Variants in SLC7A11 observed in about 807,000 individuals in gnomAD.
SLC7A11 encodes the protein cystine/glutamate transporter.
SLC7A11 carries 35 observed loss-of-function variants against 54.5 expected under a neutral mutation model. The observed-to-expected ratio is 0.64, with a 90% confidence interval of 0.49 to 0.85. SLC7A11 has a LOEUF of 0.85. SLC7A11 is among the 40% of genes least tolerant of loss of function. The probability of loss-of-function intolerance (pLI) is 0.00; values close to 1 mark genes in which losing one functional copy is unlikely to be tolerated. For missense variants in SLC7A11, 583 were observed against 618.1 expected (o/e 0.94, Z 0.60); for synonymous variants, 230 against 225.2 (o/e 1.02, Z -0.19).
At position 138,174,949 on chromosome 4, in the gene SLC7A11, C is replaced by T. The variant is rs543545750; in HGVS notation, c.1445-2932G>A. Among the ~76,000 whole-genome samples the T allele has an allele frequency of 8.0e-5, 12 of 149,822 alleles. No homozygotes were observed. In the East Asian group the frequency reaches 9.9e-4, roughly 12 times the overall value. On this transcript the variant is annotated intron_variant, in intron 11 of 11. Coordinates refer to ENST00000280612, the MANE Select transcript of SLC7A11 (RefSeq NM_014331.4). ...ATGGGAACTACAGCAAAAATTGCCA[C>T]ATTTGTGATGTGGCACAAGGCCATT...
At chr4:138,206,153 G>C (rs1298839961) in intron 6 of SLC7A11, among the ~76,000 whole-genome samples, 1 of 151,720 alleles carries the variant, frequency 6.6e-6, no homozygotes, top group Non-Finnish European at 1.5e-5. Flanking sequence ...GGATTAGATG[G>C]TCTTCAAGGT....
intron 3 of SLC7A11, among the ~76,000 whole-genome samples, chr4:138,225,630 T>G (rs1048324027): frequency 1.3e-5 from 2 of 152,150 alleles, no homozygotes; most frequent in African/African-American, 4.8e-5. Flanking sequence ...CAGTGATTCC[T>G]TTCCTTTTCT....
At chr4:138,177,679 A>G (rs1433004197) in intron 11 of SLC7A11, 1 of 152,010 alleles carries the variant, frequency 6.6e-6, no homozygotes, top group Non-Finnish European at 1.5e-5. Flanking sequence ...CTTGTTGAGG[A>G]TTGCTTGAGA....
At chr4:138,225,171 T>TATATAA (rs1491164718) in intron 3 of SLC7A11, among the ~76,000 whole-genome samples, 3 of 131,488 alleles carry the variant, frequency 2.3e-5, no homozygotes, top group South Asian at 2.5e-4. Context: ...TATATATATA[T>TATATAA]AAATAAAATC....
intron 6 of SLC7A11, among the ~76,000 whole-genome samples, chr4:138,197,769 T>G (rs1352233979): frequency 6.6e-6 from 1 of 151,800 alleles, no homozygotes; most frequent in Admixed American, 6.6e-5. Context: ...TACTTTTCCC[T>G]TCAGATTAAA....
intron 11 of SLC7A11, among the ~76,000 whole-genome samples, chr4:138,172,992 T>G (rs566187706): frequency 5.5e-4 from 84 of 152,050 alleles, no homozygotes; most frequent in African/African-American, 1.9e-3. Context: ...TACAGGCATG[T>G]GCCACCACAT....
intron 11 of SLC7A11, chr4:138,174,913 C>T (rs2148407447): frequency 6.6e-6 from 1 of 152,270 alleles, no homozygotes; most frequent in East Asian, 1.9e-4. Context: ...CCAACCATAC[C>T]TGGTACCAAT....
In SLC7A11 at chr4:138,178,945, C is replaced by T. The variant is rs911834530; in HGVS notation, c.1444+272G>A. Reference sequence around the variant, plus strand: ...TAAAGGATTCAAAGAGAGATTAGGTCGATTAGAGAACTACTGATAAAATTT... The same window carrying T: ...TAAAGGATTCAAAGAGAGATTAGGTTGATTAGAGAACTACTGATAAAATTT... On this transcript the variant is annotated intron_variant, in intron 11 of 11. Coordinates refer to ENST00000280612, the MANE Select transcript of SLC7A11 (RefSeq NM_014331.4). Among the ~76,000 whole-genome samples the T allele has an allele frequency of 3.3e-5, 5 of 152,152 alleles. No individual in the cohort carries two copies. In the East Asian group the frequency reaches 5.8e-4, roughly 18 times the overall value.
At chr4:138,233,376 G>A (rs1738128914) in intron 2 of SLC7A11, among the ~76,000 whole-genome samples, 1 of 151,978 alleles carries the variant, frequency 6.6e-6, no homozygotes, top group African/African-American at 2.4e-5. Context: ...AATAGAGACA[G>A]GGTCTCACCA....
Position 138,164,196 on chromosome 4 carries a change from C to T in SLC7A11, c.*7760G>A, listed in dbSNP as rs950384131. On this transcript the variant is annotated 3_prime_UTR_variant, in exon 12 of 12. Transcript: ENST00000280612. ...ATAAAATGGTTGAAGCAACTAGAAGCGTGACAGGTATAATACATATAAATA... is the reference window on the plus strand; with the variant it reads ...ATAAAATGGTTGAAGCAACTAGAAGTGTGACAGGTATAATACATATAAATA... 2 of 152,322 alleles carry T rather than the reference C, an allele frequency of 1.3e-5. No individual in the cohort carries two copies. Among genetic ancestry groups the T allele is most frequent in the African/African-American group, 2.4e-5 (1 of 41,382 alleles). 9.4% of individuals were successfully genotyped at this position (152,322 alleles called of 1,614,324 possible).
intron 9 of SLC7A11, among the ~76,000 whole-genome samples, chr4:138,181,347 T>C (rs1736737218): frequency 6.6e-6 from 1 of 151,970 alleles, no homozygotes; most frequent in Middle Eastern, 3.2e-3. Context: ...GTGCTTGCCG[T>C]GTGTGACCCT....
At chr4:138,228,343 A>AT (rs1737991701) in intron 3 of SLC7A11, among the ~76,000 whole-genome samples, 1 of 152,158 alleles carries the variant, frequency 6.6e-6, no homozygotes, top group South Asian at 2.1e-4. Flanking sequence ...CAAGTGTATA[A>AT]TTATATAGGG....
intron 6 of SLC7A11, among the ~76,000 whole-genome samples, chr4:138,209,845 T>C (rs890091688): frequency 6.6e-6 from 1 of 152,066 alleles, no homozygotes; most frequent in African/African-American, 2.4e-5. Context: ...TTCAATGCTA[T>C]TCCTATCAAA....
chr4:138,164,827 T>G lies in SLC7A11; in HGVS notation c.*7129A>C, dbSNP rs954624499. On this transcript the variant is annotated 3_prime_UTR_variant, in exon 12 of 12. Transcript: ENST00000280612. ...CACTAGACCAAACCCACGATGCCCC[T>G]GAAATTCTGGGAATGGTACAAGGTC... The G allele has an allele frequency of 5.9e-5, 9 of 152,208 alleles. No individual in the cohort carries two copies. Among genetic ancestry groups the G allele is most frequent in the Admixed American group, 2.0e-4 (3 of 15,270 alleles). The allele number at this position is 152,208 out of a possible 1,614,324, so 9.4% of individuals were successfully genotyped here. A position where few individuals can be genotyped will look rare whatever the true frequency, so the allele number is the denominator to read the frequency against.
rs188011412 is a variant in SLC7A11 at position 138,240,658 on chromosome 4, G to T, written c.277+1135C>A. On this transcript the variant is annotated intron_variant, in intron 1 of 11. Coordinates refer to ENST00000280612, the MANE Select transcript of SLC7A11 (RefSeq NM_014331.4). Reference sequence around the variant, plus strand: ...AAGGCCTGAGTAGAAAGAATGAATTGATTGGTACACATGGGAACAGGAGTT... The same window carrying T: ...AAGGCCTGAGTAGAAAGAATGAATTTATTGGTACACATGGGAACAGGAGTT... 5.0e-3 allele frequency among the ~76,000 whole-genome samples: 757 copies of T among 151,434 alleles called. 7 individuals are homozygous for T. The highest frequency in any genetic ancestry group is 8.5e-3 in the Non-Finnish European group (580 of 67,860).
At chr4:138,233,277 C>T (rs1474229409) in intron 2 of SLC7A11, among the ~76,000 whole-genome samples, 3 of 151,856 alleles carry the variant, frequency 2.0e-5, no homozygotes, top group African/African-American at 7.3e-5. Context: ...CTCCGCCTCC[C>T]GTGTTCAAGC....
At chr4:138,183,103 A>G in intron 8 of SLC7A11, 99 bp downstream of exon 8, 1 of 788,628 alleles carries the variant, frequency 1.3e-6, no homozygotes, top group East Asian at 2.7e-5. Flanking sequence ...TAAAAACAAC[A>G]GGTTTGGAGG....
intron 4 of SLC7A11, among the ~76,000 whole-genome samples, chr4:138,219,897 A>T (rs1241108244): frequency 2.0e-5 from 3 of 151,682 alleles, no homozygotes; most frequent in Non-Finnish European, 4.4e-5. Context: ...GAGAAGTTGG[A>T]AAATCCTGAA....
intron 2 of SLC7A11, among the ~76,000 whole-genome samples, chr4:138,234,231 G>A (rs1018952792): frequency 2.2e-4 from 33 of 152,090 alleles, no homozygotes; most frequent in African/African-American, 5.8e-4. Flanking sequence ...ACGCAAATTC[G>A]GTTTAATGAC....
Sources: gnomAD v4.1 joint callset for allele counts (sites outside exome capture counted in the v4.1 genomes callset) on GRCh38, gnomAD v4.1.1 for gene constraint, MANE v1.5 for transcripts, NCBI Gene and HGNC (gene_info 2026-07-23, HGNC 2026-07-21) for gene names.